Variants in DPP10 observed in about 807,000 individuals in gnomAD.
DPP10 encodes dipeptidyl peptidase like 10.
A neutral mutation model predicts 120.9 loss-of-function variants in DPP10; 33 were observed. The observed-to-expected ratio is 0.27, with a 90% confidence interval of 0.21 to 0.37. The LOEUF (loss-of-function observed/expected upper bound fraction) is 0.37, where lower values mean the gene tolerates loss of function less well. Among genes scored for constraint, DPP10 ranks in the 10% least tolerant of loss-of-function variants. The pLI, the probability that DPP10 is intolerant of heterozygous loss-of-function variation, is 1.00. For missense variants in DPP10, 816 were observed against 942.8 expected (o/e 0.87, Z 1.76); for synonymous variants, 337 against 326.1 (o/e 1.03, Z -0.36).
At chr2:115,332,569 T>C (rs1052489932) in intron 2 of DPP10, among the ~76,000 whole-genome samples, 1 of 152,216 alleles carries the variant, frequency 6.6e-6, no homozygotes, top group Non-Finnish European at 1.5e-5. Context: ...TTTAGTGCTA[T>C]GAATTTCCCG....
intron 1 of DPP10, among the ~76,000 whole-genome samples, chr2:114,618,257 C>T (rs17715765): frequency 1.3e-5 from 2 of 151,818 alleles, no homozygotes; most frequent in Non-Finnish European, 2.9e-5. Context: ...TGTTGAAATA[C>T]CAGACTTGAT....
chr2:114,515,286 CA>C (rs1325081044), intron 1 of DPP10, among the ~76,000 whole-genome samples: 5 of 152,150 alleles, frequency 3.3e-5, no homozygotes, highest in Admixed American at 1.3e-4. Context: ...ATGTTGGAAA[CA>C]AACTTTAAAG....
chr2:115,120,067 T>C (rs1473700743), intron 1 of DPP10, among the ~76,000 whole-genome samples: 1 of 152,250 alleles, frequency 6.6e-6, no homozygotes, highest in Non-Finnish European at 1.5e-5. Context: ...GCCAGTAACA[T>C]ATCTAGGTCT....
chr2:115,563,099 T>G (rs1545396), intron 5 of DPP10, among the ~76,000 whole-genome samples: 125,798 of 152,156 alleles, frequency 0.83, 53,730 homozygotes, highest in East Asian at 0.98. Flanking sequence ...ATGGGCAAAG[T>G]ATGAAAACAA....
chr2:115,711,925 T>TG (rs2092331445), intron 7 of DPP10, among the ~76,000 whole-genome samples: 1 of 149,010 alleles, frequency 6.7e-6, no homozygotes, highest in Non-Finnish European at 1.5e-5. Flanking sequence ...GGTTTTTTTT[T>TG]TTTTTTTTTT....
chr2:115,127,845 T>C (rs1461817704), intron 1 of DPP10, among the ~76,000 whole-genome samples: 1 of 152,206 alleles, frequency 6.6e-6, no homozygotes, highest in Admixed American at 6.5e-5. Context: ...TGTGAACATG[T>C]GTACACTTCG....
At chr2:115,339,882 C>T (rs2063356552) in intron 2 of DPP10, among the ~76,000 whole-genome samples, 1 of 152,160 alleles carries the variant, frequency 6.6e-6, no homozygotes, top group Admixed American at 6.6e-5. Flanking sequence ...TGCTGGTCAC[C>T]TGTGATGCAG....
intron 1 of DPP10, among the ~76,000 whole-genome samples, chr2:114,793,259 T>C (rs903055786): frequency 9.2e-5 from 14 of 152,246 alleles, no homozygotes; most frequent in Admixed American, 8.5e-4. Context: ...CAACCTGTCA[T>C]CTACATTAGG....
At chr2:115,784,508 C>T (rs1203456278) in intron 17 of DPP10, among the ~76,000 whole-genome samples, 1 of 152,050 alleles carries the variant, frequency 6.6e-6, no homozygotes, top group East Asian at 1.9e-4. Flanking sequence ...TTAATTATAA[C>T]ATATTAAAAA....
chr2:114,477,472 CACAT>C (rs1680514075), intron 1 of DPP10, among the ~76,000 whole-genome samples: 1 of 150,824 alleles, frequency 6.6e-6, no homozygotes, highest in Non-Finnish European at 1.5e-5. Context: ...CACACATATA[CACAT>C]ACATACACAT....
chr2:114,523,777 T>C (rs963658699), intron 1 of DPP10, among the ~76,000 whole-genome samples: 2 of 152,104 alleles, frequency 1.3e-5, no homozygotes, highest in African/African-American at 4.8e-5. Flanking sequence ...AGTGTTGCTT[T>C]ATGCCCTCCA....
chr2:115,681,564 T>A (rs2421275), intron 5 of DPP10, among the ~76,000 whole-genome samples: 11,740 of 151,856 alleles, frequency 0.077, 645 homozygotes, highest in Non-Finnish European at 0.11. Context: ...TAGCCTCAGG[T>A]AATAACCAAA....
At chr2:114,832,860 TA>T (rs1019670880) in intron 1 of DPP10, among the ~76,000 whole-genome samples, 23 of 148,808 alleles carry the variant, frequency 1.5e-4, no homozygotes, top group Admixed American at 4.7e-4. Context: ...TTCTATTTTC[TA>T]AAAAAAAAAA....
At chr2:115,815,011 C>G in intron 20 of DPP10, 24 bp downstream of exon 20, 3 of 1,563,280 alleles carry the variant, frequency 1.9e-6, no homozygotes, top group Non-Finnish European at 2.6e-6. Flanking sequence ...CATTTTTCTT[C>G]TCTGTTTTCT....
intron 5 of DPP10, among the ~76,000 whole-genome samples, chr2:115,687,055 A>G (rs1238794368): frequency 6.6e-6 from 1 of 152,032 alleles, no homozygotes; most frequent in African/African-American, 2.4e-5. Flanking sequence ...AGGAATGTTA[A>G]AAAAGAGTAG....
At chr2:115,530,301 G>C (rs572413104) in intron 5 of DPP10, among the ~76,000 whole-genome samples, 1 of 152,190 alleles carries the variant, frequency 6.6e-6, no homozygotes, top group Admixed American at 6.5e-5. Context: ...TAACCAGGAA[G>C]AGGTGATATG....
chr2:115,442,721 A>G lies in DPP10; in HGVS notation c.272-56789A>G, dbSNP rs74365328. On this transcript the variant is annotated intron_variant, in intron 3 of 25. Transcript: ENST00000410059. ...AATATAATTTGTCCTTTTCAGATCT[A>G]TGTACAGTTACTCTCCCTTACAACG... is the stretch of plus-strand genomic sequence containing the variant. Among the ~76,000 whole-genome samples, 338 of 152,324 alleles carry G rather than the reference A, an allele frequency of 2.2e-3. 1 individual carries two copies. Among genetic ancestry groups the G allele is most frequent in the African/African-American group, 7.9e-3 (329 of 41,560 alleles).
intron 4 of DPP10, among the ~76,000 whole-genome samples, chr2:115,509,712 A>C (rs1575054892): frequency 6.6e-6 from 1 of 152,198 alleles, no homozygotes; most frequent in African/African-American, 2.4e-5. Context: ...AAAACAAAAC[A>C]AAGGTAGTCT....
chr2:115,090,259 T>G (rs2104554773), intron 1 of DPP10, among the ~76,000 whole-genome samples: 1 of 152,282 alleles, frequency 6.6e-6, no homozygotes, highest in Admixed American at 6.5e-5. Context: ...TAGTGTGCAT[T>G]TATCATACGA....
Sources: allele counts gnomAD v4.1 joint callset (sites outside exome capture counted in the v4.1 genomes callset), GRCh38; gene constraint gnomAD v4.1.1; transcripts MANE v1.5; gene names NCBI Gene and HGNC (gene_info 2026-07-23, HGNC 2026-07-21).